RPS6KC1: variants seen among roughly 807,000 people sequenced by gnomAD.
RPS6KC1 encodes inactive ribosomal protein S6 kinase delta-1.
RPS6KC1 carries 54 observed loss-of-function variants against 103.8 expected under a neutral mutation model. The ratio of observed to expected loss-of-function variants is 0.52; its 90% CI spans 0.42 to 0.65. RPS6KC1 has a LOEUF of 0.65. Ranked by LOEUF, RPS6KC1 falls within the 30% of genes least tolerant of loss-of-function variation. RPS6KC1 has a pLI of 0.00. For synonymous variants in RPS6KC1, 439 were observed against 438.7 expected (o/e 1.00, Z -0.01); for missense variants, 1,151 against 1,253.8 (o/e 0.92, Z 1.24).
chr1:213,728,036 A>G, the RPS6KC1 span, among the ~76,000 whole-genome samples: 2 of 152,214 alleles, frequency 1.3e-5, no homozygotes, highest in Non-Finnish European at 2.9e-5. Flanking sequence ...GCCAGGATGC[A>G]GTGGCTGTAT....
chr1:213,539,511 C>T, the RPS6KC1 span, among the ~76,000 whole-genome samples: 4 of 152,178 alleles, frequency 2.6e-5, no homozygotes, highest in Non-Finnish European at 5.9e-5. Context: ...AGACTGGGCT[C>T]TCAATTCTGC....
intron 2 of RPS6KC1, among the ~76,000 whole-genome samples, chr1:213,075,142 C>T (rs903078229): frequency 2.0e-5 from 3 of 152,052 alleles, no homozygotes; most frequent in African/African-American, 7.2e-5. Context: ...TGAGCCACCA[C>T]GCCCGGCCTA....
the RPS6KC1 span, among the ~76,000 whole-genome samples, chr1:213,854,506 CTTTCTCTTTCTT>C: frequency 4.0e-5 from 6 of 149,908 alleles, no homozygotes; most frequent in African/African-American, 1.5e-4. Context: ...TAATCTCTTT[CTTTCTCTTTCTT>C]TCTTTCTTTC....
chr1:213,663,053 A>G, the RPS6KC1 span, among the ~76,000 whole-genome samples: 4 of 152,336 alleles, frequency 2.6e-5, no homozygotes, highest in East Asian at 7.7e-4. Context: ...GGCAGGTCCT[A>G]GCTCTGCCAA....
At chr1:213,237,219 A>C (rs1350859189) in intron 10 of RPS6KC1, among the ~76,000 whole-genome samples, 1 of 152,120 alleles carries the variant, frequency 6.6e-6, no homozygotes, top group Non-Finnish European at 1.5e-5. Context: ...AGTGATTAAA[A>C]ATAAGGACTG....
At chr1:213,462,341 A>G in the RPS6KC1 span, among the ~76,000 whole-genome samples, 4 of 152,218 alleles carry the variant, frequency 2.6e-5, no homozygotes, top group Non-Finnish European at 5.9e-5. Flanking sequence ...ATTGTGGAAG[A>G]CAGTGTGGCA....
chr1:213,238,571 A>G (rs1054174929), intron 10 of RPS6KC1, among the ~76,000 whole-genome samples: 2 of 152,212 alleles, frequency 1.3e-5, no homozygotes, highest in African/African-American at 4.8e-5. Context: ...AGAGGGACTT[A>G]AAGTAAGGAT....
At chr1:213,777,172 A>G in the RPS6KC1 span, among the ~76,000 whole-genome samples, 1 of 152,176 alleles carries the variant, frequency 6.6e-6, no homozygotes, top group Non-Finnish European at 1.5e-5. Context: ...TTCTCTGAAG[A>G]ACTTTTTCTT....
chr1:213,580,247 G>A, the RPS6KC1 span, among the ~76,000 whole-genome samples: 7 of 152,218 alleles, frequency 4.6e-5, 1 homozygote, highest in African/African-American at 1.7e-4. Flanking sequence ...CTTTGAGGGA[G>A]TCAAGACTTC....
At chr1:213,236,220 T>A (rs2094217944) in intron 10 of RPS6KC1, among the ~76,000 whole-genome samples, 1 of 152,126 alleles carries the variant, frequency 6.6e-6, no homozygotes, top group Non-Finnish European at 1.5e-5. Context: ...ACGGAAAAAT[T>A]GTCTTCCATG....
chr1:213,481,090 C>T, the RPS6KC1 span, among the ~76,000 whole-genome samples: 2 of 152,052 alleles, frequency 1.3e-5, no homozygotes, highest in African/African-American at 4.8e-5. Flanking sequence ...TGTTCTGTTA[C>T]TTCTTGTTTG....
At chr1:213,320,848 A>G in the RPS6KC1 span, among the ~76,000 whole-genome samples, 2 of 152,184 alleles carry the variant, frequency 1.3e-5, no homozygotes, top group African/African-American at 2.4e-5. Context: ...TTTGGGGAGC[A>G]TGAGATTGTA....
chr1:213,441,639 G>A, the RPS6KC1 span, among the ~76,000 whole-genome samples: 1 of 152,188 alleles, frequency 6.6e-6, no homozygotes, highest in Non-Finnish European at 1.5e-5. Context: ...ATAGTGCTGC[G>A]ACAGACCTTG....
chr1:213,698,933 G>C, the RPS6KC1 span, among the ~76,000 whole-genome samples: 5 of 151,642 alleles, frequency 3.3e-5, no homozygotes, highest in South Asian at 4.2e-4. Context: ...TGGGTACATA[G>C]TAGGTGTATA....
chr1:213,290,553 T>C, the RPS6KC1 span, among the ~76,000 whole-genome samples: 1 of 120,686 alleles, frequency 8.3e-6, no homozygotes, highest in Non-Finnish European at 1.8e-5. Flanking sequence ...TTTTCTGGTA[T>C]GTCAATTCAG....
At chr1:213,294,547 T>G in the RPS6KC1 span, among the ~76,000 whole-genome samples, 1 of 152,110 alleles carries the variant, frequency 6.6e-6, no homozygotes. Flanking sequence ...CATTTAAGAC[T>G]CTGGAGAGAG....
the RPS6KC1 span, among the ~76,000 whole-genome samples, chr1:213,518,151 T>A: frequency 6.6e-6 from 1 of 152,256 alleles, no homozygotes; most frequent in African/African-American, 2.4e-5. Flanking sequence ...ATTCCAGTTT[T>A]AAAAAAACCT....
the RPS6KC1 span, among the ~76,000 whole-genome samples, chr1:213,454,425 G>A: frequency 1.3e-5 from 2 of 152,318 alleles, no homozygotes; most frequent in Non-Finnish European, 2.9e-5. Context: ...CTCATGCAAT[G>A]TAACAATGTA....
chr1:213,416,122 C>T, the RPS6KC1 span, among the ~76,000 whole-genome samples: 1 of 152,148 alleles, frequency 6.6e-6, no homozygotes, highest in African/African-American at 2.4e-5. Context: ...GGGGGATCTC[C>T]CAGGCTCCCA....
Sources: allele counts gnomAD v4.1 joint callset (sites outside exome capture counted in the v4.1 genomes callset), GRCh38; gene constraint gnomAD v4.1.1; transcripts MANE v1.5; gene names NCBI Gene and HGNC (gene_info 2026-07-23, HGNC 2026-07-21).